Variants in ST7L observed in about 807,000 individuals in gnomAD.
ST7L encodes the protein suppression of tumorigenicity 7 like.
Under a neutral mutation model 72.5 loss-of-function variants are expected in ST7L, and 57 were observed. That is an observed-to-expected ratio of 0.79 (90% confidence interval 0.64 to 0.98). The LOEUF (loss-of-function observed/expected upper bound fraction) is 0.98, where lower values mean the gene tolerates loss of function less well. ST7L is among the 50% of genes least tolerant of loss of function. The pLI is 0.00. For synonymous variants in ST7L, 221 were observed against 240.9 expected (o/e 0.92, Z 0.77); for missense variants, 576 against 672.2 (o/e 0.86, Z 1.58).
At chr1:112,550,468 C>A in intron 13 of ST7L, 133 bp downstream of exon 13, 1 of 586,204 alleles carries the variant, frequency 1.7e-6, no homozygotes, top group Non-Finnish European at 2.9e-6. Context: ...CAACTACATC[C>A]CAGAAGTGGC....
intron 11 of ST7L, among the ~76,000 whole-genome samples, chr1:112,567,135 AG>A (rs1489168348): frequency 6.6e-6 from 1 of 152,178 alleles, no homozygotes; most frequent in Admixed American, 6.5e-5. Context: ...TTTAAATTTT[AG>A]TCATTCTGAT....
chr1:112,519,391 C>T (rs553738095), downstream of ST7L, among the ~76,000 whole-genome samples: 41 of 152,268 alleles, frequency 2.7e-4, no homozygotes, highest in South Asian at 8.3e-4. Flanking sequence ...ATCTATTCTC[C>T]GTTTTGAACC....
At chr1:112,573,547 A>G (rs1213448030) in intron 11 of ST7L, among the ~76,000 whole-genome samples, 2 of 152,198 alleles carry the variant, frequency 1.3e-5, no homozygotes, top group Non-Finnish European at 2.9e-5. Flanking sequence ...TGATATGCTT[A>G]GAAATTGAAT....
chr1:112,561,038 T>C (rs1327611932), intron 11 of ST7L, among the ~76,000 whole-genome samples: 18 of 151,996 alleles, frequency 1.2e-4, no homozygotes, highest in Admixed American at 1.2e-3. Flanking sequence ...CAAATTCATA[T>C]TTATATTTTA....
intron 11 of ST7L, among the ~76,000 whole-genome samples, chr1:112,558,982 G>A (rs997450487): frequency 6.6e-6 from 1 of 152,126 alleles, no homozygotes; most frequent in Non-Finnish European, 1.5e-5. Context: ...ATAATAAAAA[G>A]AATACTGAGT....
chr1:112,607,863 G>A (rs1385319048), intron 3 of ST7L, among the ~76,000 whole-genome samples: 1 of 152,124 alleles, frequency 6.6e-6, no homozygotes, highest in East Asian at 1.9e-4. Context: ...CAAAGAGTTA[G>A]AAATGTAGGT....
downstream of ST7L, among the ~76,000 whole-genome samples, chr1:112,519,126 A>G (rs17030426): frequency 0.043 from 6,504 of 152,280 alleles, 498 homozygotes; most frequent in African/African-American, 0.15. Flanking sequence ...ACTAACATAT[A>G]CAGTAGACCT....
intron 6 of ST7L, among the ~76,000 whole-genome samples, chr1:112,584,648 C>T (rs12059990): frequency 0.014 from 2,174 of 152,036 alleles, 67 homozygotes; most frequent in African/African-American, 0.05. Flanking sequence ...GCACCACGCC[C>T]GGCTAATTTT....
chr1:112,535,285 T>C (rs1029486593), intron 14 of ST7L, among the ~76,000 whole-genome samples: 31 of 151,948 alleles, frequency 2.0e-4, no homozygotes, highest in Admixed American at 2.0e-3. Flanking sequence ...GGTGGGCATA[T>C]GGTTTGAGCC....
At chr1:112,596,073 A>C (rs1378950502) in intron 5 of ST7L, among the ~76,000 whole-genome samples, 1 of 152,218 alleles carries the variant, frequency 6.6e-6, no homozygotes, top group Non-Finnish European at 1.5e-5. Context: ...AGAGTCACTC[A>C]ACCCTTAAAG....
chr1:112,559,776 C>T (rs60900293), intron 11 of ST7L, among the ~76,000 whole-genome samples: 29,395 of 151,628 alleles, frequency 0.19, 3,561 homozygotes, highest in East Asian at 0.46. Flanking sequence ...GTCAGGAGTT[C>T]AAGACCAGCC....
intron 12 of ST7L, among the ~76,000 whole-genome samples, chr1:112,552,543 T>C (rs1658398529): frequency 6.6e-6 from 1 of 152,152 alleles, no homozygotes. Context: ...TAGCTGGGAT[T>C]ACAGGCATGC....
chr1:112,610,336 C>G (rs981099910), intron 3 of ST7L: 3 of 152,490 alleles, frequency 2.0e-5, no homozygotes, highest in African/African-American at 7.2e-5. Context: ...TAGAAGGGGT[C>G]TGGGTATCTG....
Position 112,547,193 on chromosome 1 carries a change from CT to C in ST7L, c.1489+3407del, listed in dbSNP as rs759140130. Among the ~76,000 whole-genome samples, 423 of 137,460 alleles carry C rather than the reference CT, an allele frequency of 3.1e-3. 1 individual carries two copies. Among genetic ancestry groups the C allele is most frequent in the East Asian group, 9.4e-3 (45 of 4,792 alleles). The allele number at this position is 137,460 out of a possible 152,430, so 90.2% of individuals were successfully genotyped here. A position where few individuals can be genotyped will look rare whatever the true frequency, so the allele number is the denominator to read the frequency against. The stretch of plus-strand genomic sequence containing the variant: ...CTCCCTTCTAGAGCTTTCTTTCTTT[CT>C]TTTTTTTTTTTTTTTTGAGACAGAG... On this transcript the variant is annotated intron_variant, in intron 13 of 14. Coordinates refer to ENST00000358039, the MANE Select transcript of ST7L (RefSeq NM_017744.5).
intron 3 of ST7L, among the ~76,000 whole-genome samples, chr1:112,606,609 C>T (rs1013995293): frequency 2.0e-5 from 3 of 152,202 alleles, no homozygotes; most frequent in Admixed American, 6.5e-5. Flanking sequence ...GTTACAGTGG[C>T]ACCCCACTTC....
At chr1:112,534,507 A>G (rs759744415) in intron 14 of ST7L, among the ~76,000 whole-genome samples, 1 of 152,212 alleles carries the variant, frequency 6.6e-6, no homozygotes, top group Non-Finnish European at 1.5e-5. Flanking sequence ...GCACTAACTG[A>G]AGTCTGAGTT....
chr1:112,589,322 C>T (rs1197351271), intron 6 of ST7L, among the ~76,000 whole-genome samples: 1 of 152,128 alleles, frequency 6.6e-6, no homozygotes, highest in Non-Finnish European at 1.5e-5. Flanking sequence ...CTCCTGAGCT[C>T]AAGTGATCCT....
chr1:112,563,869 A>G (rs1407482313), intron 11 of ST7L, among the ~76,000 whole-genome samples: 2 of 152,198 alleles, frequency 1.3e-5, no homozygotes, highest in South Asian at 4.1e-4. Flanking sequence ...ACAGCTTTTG[A>G]CCAAAAGCAA....
At chr1:112,527,431 T>C (rs1239011773) in intron 14 of ST7L, 1 of 152,716 alleles carries the variant, frequency 6.5e-6, no homozygotes, top group Admixed American at 6.5e-5. Flanking sequence ...GAAGTCATCA[T>C]CTAAAGAATT....
Sources: gnomAD v4.1 joint callset for allele counts (sites outside exome capture counted in the v4.1 genomes callset) on GRCh38, gnomAD v4.1.1 for gene constraint, MANE v1.5 for transcripts, NCBI Gene and HGNC (gene_info 2026-07-23, HGNC 2026-07-21) for gene names.